ATP1B1: variants seen among roughly 807,000 people sequenced by gnomAD.
ATP1B1 encodes sodium/potassium-transporting ATPase subunit beta-1.
ATP1B1 carries 3 observed loss-of-function variants against 39.6 expected under a neutral mutation model. The ratio of observed to expected loss-of-function variants is 0.08; its 90% confidence interval spans 0.03 to 0.20. The LOEUF is 0.20. ATP1B1 is among the 10% of genes least tolerant of loss of function. The probability of loss-of-function intolerance (pLI) is 1.00; values close to 1 mark genes in which losing one functional copy is unlikely to be tolerated. For synonymous variants in ATP1B1, 139 were observed against 135.0 expected, an observed-to-expected ratio of 1.03 and a Z score of -0.20; for missense variants, 216 against 371.1, an observed-to-expected ratio of 0.58 and a Z score of 3.43.
intron 4 of ATP1B1, 68 bp downstream of exon 4, chr1:169,127,476 A>T: frequency 1.3e-6 from 2 of 1,491,260 alleles, no homozygotes; most frequent in Non-Finnish European, 1.8e-6. Context: ...TGATCTGAGA[A>T]GACAATGTAA....
chr1:169,128,668 A>G (rs1318676212), intron 4 of ATP1B1, among the ~76,000 whole-genome samples: 2 of 152,242 alleles, frequency 1.3e-5, no homozygotes, highest in East Asian at 1.9e-4. Flanking sequence ...ACTGAGATCA[A>G]TCAGCTATTT....
Position 169,106,793 on chromosome 1 carries a change from C to T in ATP1B1, c.-37C>T, listed in dbSNP as rs776015665. 20 of 1,542,904 alleles carry T rather than the reference C, an allele frequency of 1.3e-5. No individual in the cohort carries two copies. The highest frequency in any genetic ancestry group is 1.5e-5 in the Non-Finnish European group (17 of 1,142,952). On this transcript the variant is annotated 5_prime_UTR_variant, in exon 1 of 6. Coordinates refer to ENST00000367815, the MANE Select transcript of ATP1B1 (RefSeq NM_001677.4). ...CCAGGGCGCGCGCCGCAGCCACCCA[C>T]CCTCCGGACCGCGGCAGCTGCTGAC...
At chr1:169,107,610 A>G (rs915658979) in intron 1 of ATP1B1, among the ~76,000 whole-genome samples, 1 of 152,208 alleles carries the variant, frequency 6.6e-6, no homozygotes, top group Non-Finnish European at 1.5e-5. Context: ...GTTGTGGATC[A>G]GTCAGTAGGT....
intron 3 of ATP1B1, 57 bp from the exon 4 acceptor site, chr1:169,127,167 C>G: frequency 6.7e-7 from 1 of 1,496,808 alleles, no homozygotes; most frequent in Non-Finnish European, 8.9e-7. Context: ...GTTTCTTTTT[C>G]TTAGAACTGC....
intron 1 of ATP1B1, among the ~76,000 whole-genome samples, chr1:169,107,639 G>C (rs972749274): frequency 2.0e-4 from 31 of 152,160 alleles, no homozygotes; most frequent in African/African-American, 7.5e-4. Flanking sequence ...TTATGGTGAA[G>C]GGAATATAAA....
intron 2 of ATP1B1, among the ~76,000 whole-genome samples, chr1:169,112,130 C>G (rs956520152): frequency 6.6e-6 from 1 of 152,214 alleles, no homozygotes; most frequent in Non-Finnish European, 1.5e-5. Context: ...ATCTCATTTG[C>G]CAGCTTTCTG....
intron 3 of ATP1B1, 67 bp downstream of exon 3, chr1:169,125,106 T>C (rs1451956249): frequency 1.3e-6 from 2 of 1,487,192 alleles, no homozygotes; most frequent in Admixed American, 4.8e-5. Flanking sequence ...TTCCCACTTC[T>C]ATTTTTTGTT....
At chr1:169,127,712 T>TAA (rs1357082227) in intron 4 of ATP1B1, among the ~76,000 whole-genome samples, 1 of 152,028 alleles carries the variant, frequency 6.6e-6, no homozygotes, top group Non-Finnish European at 1.5e-5. Context: ...ATAAACTCTT[T>TAA]AAAAAAGTAA....
intron 2 of ATP1B1, among the ~76,000 whole-genome samples, chr1:169,123,161 ACATTCGTTAACGTCGTTGTCTT>A (rs1645217653): frequency 6.6e-6 from 1 of 152,106 alleles, no homozygotes; most frequent in Admixed American, 6.5e-5. Flanking sequence ...TATCACTTCC[ACATTCGTTAACGTCGTTGTCTT>A]CATATCTGAG....
Position 169,106,912 on chromosome 1 carries a change from C to A in ATP1B1, c.83C>A (p.Thr28Asn). 6.3e-7 allele frequency: 1 copy of A among 1,578,674 alleles called. No homozygotes were observed. Among genetic ancestry groups the A allele is most frequent in the East Asian group, 2.5e-5 (1 of 40,308 alleles). Residue 28 changes from threonine to asparagine, a missense_variant, in exon 1 of 6, where the codon ACC becomes AAC. By Grantham distance (65) the Thr-to-Asn change is moderately conservative. Transcript: ENST00000367815. ...NSEKKEFLGR[T>N]GGSWFKILLF... ...GAGAAGAAGGAGTTTCTGGGCAGGACCGGTGGCAGTTGGTGTAAGTACGGG... is the reference window on the plus strand; with the variant it reads ...GAGAAGAAGGAGTTTCTGGGCAGGAACGGTGGCAGTTGGTGTAAGTACGGG...
At chr1:169,128,880 A>G (rs1310905453) in intron 4 of ATP1B1, among the ~76,000 whole-genome samples, 1 of 152,122 alleles carries the variant, frequency 6.6e-6, no homozygotes, top group African/African-American at 2.4e-5. Context: ...CTTTCTTTTC[A>G]GTCCTTTTTT....
intron 1 of ATP1B1, chr1:169,107,828 G>C (rs1456853443): frequency 6.6e-6 from 1 of 151,728 alleles, no homozygotes; most frequent in Non-Finnish European, 1.5e-5. Context: ...TCGTGACTGC[G>C]TGAGGGAAGG....
chr1:169,122,746 A>AT (rs753882699), intron 2 of ATP1B1, among the ~76,000 whole-genome samples: 1,188 of 82,360 alleles, frequency 0.014, 25 homozygotes, highest in African/African-American at 0.046. Context: ...TTTCAGGATG[A>AT]TTTTTTTTTT....
At chr1:169,116,170 C>T (rs181774248) in intron 2 of ATP1B1, among the ~76,000 whole-genome samples, 12 of 152,360 alleles carry the variant, frequency 7.9e-5, no homozygotes, top group African/African-American at 2.9e-4. Context: ...TTGCTGCCTG[C>T]CCAGTGGTGT....
At chr1:169,108,696 A>G (rs954292261) in intron 1 of ATP1B1, among the ~76,000 whole-genome samples, 14 of 152,150 alleles carry the variant, frequency 9.2e-5, no homozygotes, top group African/African-American at 3.1e-4. Context: ...CAGCACCTCC[A>G]TGAGAGAGAG....
chr1:169,115,858 GCA>G (rs1657833622), intron 2 of ATP1B1, among the ~76,000 whole-genome samples: 1 of 152,184 alleles, frequency 6.6e-6, no homozygotes, highest in South Asian at 2.1e-4. Flanking sequence ...TATTTGTTGT[GCA>G]GTCTCTCCCT....
intron 3 of ATP1B1, 41 bp from the exon 4 acceptor site, chr1:169,127,183 G>A: frequency 6.5e-7 from 1 of 1,535,774 alleles, no homozygotes; most frequent in Non-Finnish European, 8.7e-7. Flanking sequence ...ACTGCTAAGG[G>A]AATTGCTGGT....
chr1:169,128,366 A>C (rs1658131984), intron 4 of ATP1B1, among the ~76,000 whole-genome samples: 1 of 152,170 alleles, frequency 6.6e-6, no homozygotes, highest in Non-Finnish European at 1.5e-5. Context: ...TTATTTCTAC[A>C]ATGCTTGTTA....
At chr1:169,120,322 G>A (rs897271667) in intron 2 of ATP1B1, among the ~76,000 whole-genome samples, 2 of 152,258 alleles carry the variant, frequency 1.3e-5, no homozygotes, top group Admixed American at 6.5e-5. Context: ...TGGAAATGAC[G>A]TTTGGATCAA....
Sources: gnomAD v4.1 joint callset for allele counts (sites outside exome capture counted in the v4.1 genomes callset) on GRCh38, gnomAD v4.1.1 for gene constraint, MANE v1.5 for transcripts, NCBI Gene and HGNC (gene_info 2026-07-23, HGNC 2026-07-21) for gene names.